Variants in RABGAP1L observed in about 807,000 individuals in gnomAD.
RABGAP1L encodes the protein RAB GTPase activating protein 1 like.
Under a neutral mutation model 137.7 loss-of-function variants are expected in RABGAP1L, and 63 were observed. The observed-to-expected ratio is 0.46, with a 90% CI of 0.37 to 0.56. RABGAP1L has a LOEUF of 0.56. RABGAP1L is among the 20% of genes least tolerant of loss of function. The probability of loss-of-function intolerance (pLI) is 0.00; values close to 1 mark genes in which losing one functional copy is unlikely to be tolerated. For missense variants in RABGAP1L, 1,095 were observed against 1,244.0 expected (o/e 0.88, Z 1.80); for synonymous variants, 431 against 433.7 (o/e 0.99, Z 0.08).
intron 13 of RABGAP1L, among the ~76,000 whole-genome samples, chr1:174,403,245 GTGTATA>G (rs1220701167): frequency 0.045 from 5,780 of 127,210 alleles, 135 homozygotes; most frequent in African/African-American, 0.085. Flanking sequence ...GTGTGTGTGT[GTGTATA>G]TATATGTGTA....
At chr1:174,834,885 A>T (rs570595528) in intron 19 of RABGAP1L, among the ~76,000 whole-genome samples, 39 of 152,308 alleles carry the variant, frequency 2.6e-4, no homozygotes, top group South Asian at 1.0e-3. Context: ...TTGGAGATGA[A>T]GCCAGGGACC....
intron 12 of RABGAP1L, among the ~76,000 whole-genome samples, chr1:174,387,317 G>A (rs1382244400): frequency 6.6e-6 from 1 of 152,122 alleles, no homozygotes; most frequent in Non-Finnish European, 1.5e-5. Flanking sequence ...GATGAGTAAG[G>A]ATAGTTTCTA....
At chr1:174,549,612 G>GGAACAAGCT (rs527371420) in intron 13 of RABGAP1L, among the ~76,000 whole-genome samples, 26 of 152,120 alleles carry the variant, frequency 1.7e-4, no homozygotes, top group Non-Finnish European at 8.8e-5. Context: ...CTCAAGAAAT[G>GGAACAAGCT]GAACAAGCTG....
chr1:174,343,993 C>CA (rs1682213254), intron 11 of RABGAP1L, among the ~76,000 whole-genome samples: 1 of 152,144 alleles, frequency 6.6e-6, no homozygotes, highest in Admixed American at 6.5e-5. Context: ...CCATTTAGGC[C>CA]TGTTTCATCC....
intron 13 of RABGAP1L, among the ~76,000 whole-genome samples, chr1:174,625,121 C>G (rs562416353): frequency 1.3e-5 from 2 of 152,264 alleles, no homozygotes; most frequent in African/African-American, 4.8e-5. Context: ...ATCCACCCAC[C>G]TCTGCCTCCC....
chr1:174,236,686 C>T (rs1671206189), intron 4 of RABGAP1L, among the ~76,000 whole-genome samples: 1 of 132,210 alleles, frequency 7.6e-6, no homozygotes, highest in African/African-American at 2.9e-5. Flanking sequence ...GCTTTACTTC[C>T]AACTATGTGG....
At chr1:174,886,373 A>G (rs1054389505) in intron 19 of RABGAP1L, among the ~76,000 whole-genome samples, 1 of 152,224 alleles carries the variant, frequency 6.6e-6, no homozygotes, top group Non-Finnish European at 1.5e-5. Context: ...ATCAAATTGT[A>G]GTACTCAAAC....
chr1:174,623,116 G>A (rs1035979464), intron 13 of RABGAP1L, among the ~76,000 whole-genome samples: 1 of 152,116 alleles, frequency 6.6e-6, no homozygotes, highest in Non-Finnish European at 1.5e-5. Context: ...TAGCTTTGGA[G>A]GTTCTACATT....
At chr1:174,326,752 A>G (rs928047742) in intron 11 of RABGAP1L, among the ~76,000 whole-genome samples, 1 of 152,232 alleles carries the variant, frequency 6.6e-6, no homozygotes, top group Non-Finnish European at 1.5e-5. Flanking sequence ...CAACTATAAG[A>G]TATATTAGAA....
At chr1:174,699,250 C>T (rs571212780) in intron 15 of RABGAP1L, among the ~76,000 whole-genome samples, 1 of 152,060 alleles carries the variant, frequency 6.6e-6, no homozygotes, top group African/African-American at 2.4e-5. Context: ...GCCTTGGCCT[C>T]CCAAAGTGTG....
chr1:174,344,891 A>G (rs775090476), intron 11 of RABGAP1L, among the ~76,000 whole-genome samples: 1 of 152,084 alleles, frequency 6.6e-6, no homozygotes, highest in Non-Finnish European at 1.5e-5. Context: ...GAGTTTCCCC[A>G]ATGTTTTCTT....
intron 13 of RABGAP1L, among the ~76,000 whole-genome samples, chr1:174,530,683 A>G (rs1318113417): frequency 2.6e-5 from 4 of 152,184 alleles, no homozygotes; most frequent in African/African-American, 7.2e-5. Flanking sequence ...TTTCTGTTAA[A>G]TCCCAGTGTT....
intron 11 of RABGAP1L, among the ~76,000 whole-genome samples, chr1:174,314,304 C>T (rs752107424): frequency 1.1e-4 from 16 of 152,176 alleles, no homozygotes; most frequent in African/African-American, 3.6e-4. Context: ...CATACAGTTG[C>T]GCATAGTAAC....
chr1:174,344,532 T>C (rs1682273916), intron 11 of RABGAP1L, among the ~76,000 whole-genome samples: 1 of 152,190 alleles, frequency 6.6e-6, no homozygotes. Context: ...CTTGGTGTGA[T>C]CATTCACACA....
intron 13 of RABGAP1L, among the ~76,000 whole-genome samples, chr1:174,557,296 A>G (rs1364722613): frequency 6.6e-6 from 1 of 152,212 alleles, no homozygotes; most frequent in Non-Finnish European, 1.5e-5. Context: ...ATTGAGGCTG[A>G]GTGATACCAG....
chr1:174,496,192 G>A (rs1346077084), intron 13 of RABGAP1L, among the ~76,000 whole-genome samples: 1 of 152,158 alleles, frequency 6.6e-6, no homozygotes, highest in Non-Finnish European at 1.5e-5. Context: ...ACTCTATGGT[G>A]TAGAAAGGAC....
At chr1:174,907,653 A>G (rs528976790) in intron 19 of RABGAP1L, among the ~76,000 whole-genome samples, 1 of 152,140 alleles carries the variant, frequency 6.6e-6, no homozygotes, top group Non-Finnish European at 1.5e-5. Flanking sequence ...TGTTATATCT[A>G]TAAGATGCTT....
At chr1:174,899,485 C>A (rs1037674181) in intron 19 of RABGAP1L, among the ~76,000 whole-genome samples, 7 of 152,152 alleles carry the variant, frequency 4.6e-5, no homozygotes, top group Admixed American at 4.6e-4. Flanking sequence ...TTGGGCAATT[C>A]ATTTGATCTT....
intron 15 of RABGAP1L, among the ~76,000 whole-genome samples, chr1:174,694,146 T>C (rs1346306393): frequency 6.6e-6 from 1 of 152,168 alleles, no homozygotes; most frequent in East Asian, 1.9e-4. Flanking sequence ...AAATATAACA[T>C]ATATGGTTAC....
Sources: gnomAD v4.1 joint callset for allele counts (sites outside exome capture counted in the v4.1 genomes callset) on GRCh38, gnomAD v4.1.1 for gene constraint, MANE v1.5 for transcripts, NCBI Gene and HGNC (gene_info 2026-07-23, HGNC 2026-07-21) for gene names.